The following NCKAP5 variants were observed in gnomAD, a reference collection of about 807,000 sequenced individuals.
NCKAP5 encodes NCK associated protein 5.
NCKAP5 carries 92 observed loss-of-function variants against 167.0 expected under a neutral mutation model. The observed-to-expected ratio is 0.55, with a 90% confidence interval of 0.47 to 0.66. The LOEUF (loss-of-function observed/expected upper bound fraction) is 0.66. Among genes scored for constraint, NCKAP5 ranks in the 30% least tolerant of loss-of-function variants. NCKAP5 has a pLI of 0.00. For missense variants in NCKAP5, 2,378 were observed against 2,315.0 expected, an observed-to-expected ratio of 1.03 and a Z score of -0.56; for synonymous variants, 891 against 877.4, an observed-to-expected ratio of 1.02 and a Z score of -0.27.
intron 8 of NCKAP5, among the ~76,000 whole-genome samples, chr2:132,909,080 C>T (rs1694230405): frequency 6.6e-6 from 1 of 152,192 alleles, no homozygotes; most frequent in Non-Finnish European, 1.5e-5. Context: ...GGTGCGGTGG[C>T]TCATGCCTGT....
At chr2:133,250,210 A>T (rs1305385065) in intron 4 of NCKAP5, among the ~76,000 whole-genome samples, 1 of 152,040 alleles carries the variant, frequency 6.6e-6, no homozygotes, top group African/African-American at 2.4e-5. Flanking sequence ...ATACCTATTA[A>T]TCCACAGCTA....
chr2:133,392,920 C>T (rs1356126928), intron 3 of NCKAP5, among the ~76,000 whole-genome samples: 2 of 152,228 alleles, frequency 1.3e-5, no homozygotes, highest in African/African-American at 2.4e-5. Flanking sequence ...GCAACAGCGT[C>T]GAAAACTGAC....
At chr2:132,870,965 C>T (rs945997145) in intron 9 of NCKAP5, among the ~76,000 whole-genome samples, 1 of 151,626 alleles carries the variant, frequency 6.6e-6, no homozygotes, top group Non-Finnish European at 1.5e-5. Context: ...GATTTTTTTC[C>T]CATCAGAAGT....
At chr2:132,900,683 C>A (rs957487276) in intron 8 of NCKAP5, among the ~76,000 whole-genome samples, 5 of 151,952 alleles carry the variant, frequency 3.3e-5, no homozygotes, top group African/African-American at 1.2e-4. Context: ...CAGACTGTAG[C>A]CCAGAAATGT....
chr2:133,135,416 G>T (rs899387887), intron 5 of NCKAP5, among the ~76,000 whole-genome samples: 13 of 152,060 alleles, frequency 8.5e-5, no homozygotes, highest in African/African-American at 2.7e-4. Flanking sequence ...AAGAATAAGG[G>T]ATAGACCACG....
intron 5 of NCKAP5, among the ~76,000 whole-genome samples, chr2:133,131,611 G>T (rs1351901686): frequency 6.6e-6 from 1 of 151,862 alleles, no homozygotes; most frequent in Non-Finnish European, 1.5e-5. Flanking sequence ...ACTTTTTGAT[G>T]GTCTACTTTT....
chr2:133,478,491 A>C (rs763896003), intron 3 of NCKAP5, among the ~76,000 whole-genome samples: 17 of 152,318 alleles, frequency 1.1e-4, no homozygotes, highest in Middle Eastern at 6.8e-3. Context: ...TATTATCATT[A>C]CATGGGGACA....
At chr2:133,432,760 A>G (rs1345105036) in intron 3 of NCKAP5, among the ~76,000 whole-genome samples, 8 of 152,230 alleles carry the variant, frequency 5.3e-5, no homozygotes, top group Admixed American at 5.2e-4. Context: ...CATATAGAAG[A>G]CAATCATAAC....
intron 19 of NCKAP5, among the ~76,000 whole-genome samples, chr2:132,695,842 A>G (rs1020505520): frequency 2.6e-5 from 4 of 152,062 alleles, no homozygotes; most frequent in African/African-American, 9.7e-5. Context: ...CTGATGATCT[A>G]TTGTTTTTCA....
At chr2:133,326,868 G>A (rs1472678036) in intron 3 of NCKAP5, among the ~76,000 whole-genome samples, 1 of 152,200 alleles carries the variant, frequency 6.6e-6, no homozygotes, top group Non-Finnish European at 1.5e-5. Context: ...TGGAAATGCA[G>A]CATCTCAGAT....
intron 2 of NCKAP5, among the ~76,000 whole-genome samples, chr2:133,539,133 G>C (rs1420559400): frequency 6.6e-6 from 1 of 151,768 alleles, no homozygotes; most frequent in African/African-American, 2.4e-5. Context: ...GTAGAGACGG[G>C]GTTTCACCTT....
intron 5 of NCKAP5, among the ~76,000 whole-genome samples, chr2:133,180,897 G>A (rs2084703146): frequency 6.6e-6 from 1 of 152,000 alleles, no homozygotes; most frequent in Admixed American, 6.5e-5. Flanking sequence ...GTGGCCTATG[G>A]ACTGGGAGAA....
intron 8 of NCKAP5, among the ~76,000 whole-genome samples, chr2:132,920,991 T>C (rs1055081235): frequency 1.3e-5 from 2 of 150,990 alleles, no homozygotes; most frequent in African/African-American, 2.4e-5. Flanking sequence ...CAGTTAAGTA[T>C]CATCAACTCC....
At chr2:133,366,844 T>C (rs1685486450) in intron 3 of NCKAP5, among the ~76,000 whole-genome samples, 1 of 152,164 alleles carries the variant, frequency 6.6e-6, no homozygotes, top group African/African-American at 2.4e-5. Context: ...GCAAAAATTT[T>C]AAAGTATATG....
At chr2:133,245,944 T>A (rs1391698630) in intron 4 of NCKAP5, among the ~76,000 whole-genome samples, 1 of 148,518 alleles carries the variant, frequency 6.7e-6, no homozygotes, top group Non-Finnish European at 1.5e-5. Context: ...TAGCAGACAC[T>A]AAACAATTAT....
chr2:133,288,135 C>CT (rs996130835), intron 4 of NCKAP5, among the ~76,000 whole-genome samples: 6 of 151,634 alleles, frequency 4.0e-5, no homozygotes, highest in Admixed American at 2.6e-4. Context: ...ATAACCAATT[C>CT]TTTTTTTTTA....
At chr2:132,687,768 A>C (rs924827541) in intron 19 of NCKAP5, among the ~76,000 whole-genome samples, 1 of 142,882 alleles carries the variant, frequency 7.0e-6, no homozygotes, top group Non-Finnish European at 1.5e-5. Flanking sequence ...CTTCCTCTGA[A>C]GCTTTCCAGG....
chr2:133,643,923 C>A, the NCKAP5 span, among the ~76,000 whole-genome samples: 2 of 152,202 alleles, frequency 1.3e-5, no homozygotes, highest in African/African-American at 4.8e-5. Flanking sequence ...TGCCTGAAAC[C>A]TTTACCTCTT....
chr2:132,882,196 C>A (rs558410050), intron 8 of NCKAP5, among the ~76,000 whole-genome samples: 156 of 152,224 alleles, frequency 1.0e-3, no homozygotes, highest in Non-Finnish European at 1.6e-3. Flanking sequence ...TTGCTTCAAT[C>A]CCTGAAATCA....
Sources: allele counts gnomAD v4.1 joint callset (sites outside exome capture counted in the v4.1 genomes callset), GRCh38; gene constraint gnomAD v4.1.1; transcripts MANE v1.5; gene names NCBI Gene and HGNC (gene_info 2026-07-23, HGNC 2026-07-21).